Variants in TMEM45A observed in about 807,000 individuals in gnomAD.
TMEM45A encodes transmembrane protein 45A.
TMEM45A carries 25 observed loss-of-function variants against 32.0 expected under a neutral mutation model. That is an observed-to-expected ratio of 0.78 (90% CI 0.57 to 1.09). The LOEUF is 1.09. Ranked by LOEUF, TMEM45A falls within the 50% of genes least tolerant of loss-of-function variation. The probability of loss-of-function intolerance (pLI) is 0.00; values close to 1 mark genes in which losing one functional copy is unlikely to be tolerated. For missense variants in TMEM45A, 302 were observed against 325.0 expected, an observed-to-expected ratio of 0.93 and a Z score of 0.54; for synonymous variants, 122 against 114.8, an observed-to-expected ratio of 1.06 and a Z score of -0.40.
At chr3:100,540,517 A>C (rs1705848764) in intron 1 of TMEM45A, among the ~76,000 whole-genome samples, 1 of 152,214 alleles carries the variant, frequency 6.6e-6, no homozygotes, top group Non-Finnish European at 1.5e-5. Context: ...AGGAACGCTA[A>C]AATCCAAAAT....
At chr3:100,510,186 A>T (rs1708136851) in intron 1 of TMEM45A, among the ~76,000 whole-genome samples, 1 of 152,236 alleles carries the variant, frequency 6.6e-6, no homozygotes, top group African/African-American at 2.4e-5. Flanking sequence ...AAACAAAAAG[A>T]CAGCAGTAAC....
chr3:100,508,434 A>T (rs890666946), intron 1 of TMEM45A, among the ~76,000 whole-genome samples: 4 of 152,214 alleles, frequency 2.6e-5, no homozygotes, highest in African/African-American at 9.6e-5. Context: ...TACCAATGAC[A>T]TTCTTCACAG....
chr3:100,512,699 A>G lies in TMEM45A; in HGVS notation c.-4+19771A>G, dbSNP rs1368052097. ...ATGAATCCAGGAGCTGGTTTTTTGA[A>G]AGGATCAACAAAATTGATAGACCAC... On this transcript the variant is annotated intron_variant, in intron 1 of 5. Transcript: ENST00000323523. Among the ~76,000 whole-genome samples, 127 of 151,358 alleles carry G rather than the reference A, an allele frequency of 8.4e-4. No homozygotes were observed. The East Asian group carries it at 0.022, about 26-fold the overall frequency.
intron 1 of TMEM45A, among the ~76,000 whole-genome samples, chr3:100,504,536 A>G (rs1460695609): frequency 6.6e-6 from 1 of 152,158 alleles, no homozygotes; most frequent in Admixed American, 6.5e-5. Flanking sequence ...GTAGCTTCCT[A>G]TTGCATTTAA....
intron 1 of TMEM45A, among the ~76,000 whole-genome samples, chr3:100,527,140 T>C (rs2148953093): frequency 6.6e-6 from 1 of 152,322 alleles, no homozygotes; most frequent in Admixed American, 6.5e-5. Context: ...GTGTAGCAGT[T>C]AGTCAACAAG....
At chr3:100,551,387 T>C (rs1384771711) in intron 1 of TMEM45A, among the ~76,000 whole-genome samples, 1 of 152,210 alleles carries the variant, frequency 6.6e-6, no homozygotes, top group African/African-American at 2.4e-5. Flanking sequence ...TCATGTTTCC[T>C]GCCCTGGCAT....
intron 1 of TMEM45A, 106 bp downstream of exon 1, chr3:100,493,034 T>A (rs1341658562): frequency 6.6e-6 from 1 of 152,048 alleles, no homozygotes; most frequent in Non-Finnish European, 1.5e-5. Flanking sequence ...GGGAGAAAAG[T>A]AACACTTGCT....
In TMEM45A at chr3:100,525,509, A is replaced by G. The variant is rs528240335; in HGVS notation, c.-3-29700A>G. Among the ~76,000 whole-genome samples the G allele has an allele frequency of 1.9e-3, 293 of 152,366 alleles. 2 individuals carry two copies. Among genetic ancestry groups the G allele is most frequent in the African/African-American group, 6.5e-3 (272 of 41,584 alleles). On this transcript the variant is annotated intron_variant, in intron 1 of 5. Coordinates refer to ENST00000323523, the MANE Select transcript of TMEM45A (RefSeq NM_018004.3). ...TGTAAAAAACAACAAATACAAAATT[A>G]CACATTGTGATGCATACTGTGAAGA... is the stretch of plus-strand genomic sequence containing the variant.
At chr3:100,499,923 A>G (rs1707987449) in intron 1 of TMEM45A, among the ~76,000 whole-genome samples, 1 of 152,222 alleles carries the variant, frequency 6.6e-6, no homozygotes, top group Non-Finnish European at 1.5e-5. Flanking sequence ...AAGAAAGAAA[A>G]ACTATTCTTG....
intron 1 of TMEM45A, among the ~76,000 whole-genome samples, chr3:100,496,184 T>C (rs1448167988): frequency 6.6e-6 from 1 of 152,154 alleles, no homozygotes; most frequent in Non-Finnish European, 1.5e-5. Flanking sequence ...TAGAGGCCCT[T>C]TTTCTCTCAG....
Position 100,556,888 on chromosome 3 carries a change from G to A in TMEM45A, c.319G>A (p.Val107Met). 1 of 1,614,166 alleles carries A rather than the reference G, an allele frequency of 6.2e-7. No homozygotes were observed. The highest frequency in any genetic ancestry group is 2.2e-5 in the East Asian group (1 of 44,886). Residue 107 changes from valine to methionine, a missense_variant, in exon 3 of 6, where the codon GTG becomes ATG. Coordinates refer to ENST00000323523, the MANE Select transcript of TMEM45A (RefSeq NM_018004.3). The part of the protein sequence containing the change: ...TMYFFFGLLG[V>M]ADILCFTISS... ...GTATTTCTTCTTTGGGCTGTTGGGT[G>A]TGGCAGATATCTTATGTTTCACCAT... is the stretch of plus-strand genomic sequence containing the variant.
intron 1 of TMEM45A, among the ~76,000 whole-genome samples, chr3:100,551,972 C>T (rs1477387311): frequency 6.6e-6 from 1 of 152,138 alleles, no homozygotes; most frequent in East Asian, 1.9e-4. Flanking sequence ...CTGATCCTCT[C>T]AGCTTTGGGG....
intron 4 of TMEM45A, among the ~76,000 whole-genome samples, chr3:100,565,565 A>G (rs570023919): frequency 1.3e-5 from 2 of 152,310 alleles, no homozygotes; most frequent in African/African-American, 4.8e-5. Context: ...GGATAATAAT[A>G]CATTAAAATG....
At chr3:100,576,129 A>C (rs1172053203) in intron 5 of TMEM45A, among the ~76,000 whole-genome samples, 1 of 151,946 alleles carries the variant, frequency 6.6e-6, no homozygotes, top group Non-Finnish European at 1.5e-5. Context: ...CCTGACCAAC[A>C]TGGAGAAACC....
At chr3:100,567,025 G>T (rs1326955818) in intron 4 of TMEM45A, among the ~76,000 whole-genome samples, 2 of 151,846 alleles carry the variant, frequency 1.3e-5, no homozygotes, top group Non-Finnish European at 2.9e-5. Flanking sequence ...GGTTGATGGT[G>T]CTTTTGGTGT....
chr3:100,528,459 G>C (rs1705588777), intron 1 of TMEM45A, among the ~76,000 whole-genome samples: 1 of 152,166 alleles, frequency 6.6e-6, no homozygotes, highest in Non-Finnish European at 1.5e-5. Context: ...CAGAATCGAA[G>C]GTGGGGATTT....
At chr3:100,562,335 G>A (rs1390015137) in intron 4 of TMEM45A, among the ~76,000 whole-genome samples, 1 of 152,088 alleles carries the variant, frequency 6.6e-6, no homozygotes, top group Non-Finnish European at 1.5e-5. Flanking sequence ...CTTAGTTTGG[G>A]CTTTCAGCTT....
rs368867095 is a variant in TMEM45A, at chr3:100,503,022, TCTC to T, written c.-4+10106_-4+10108del. On this transcript the variant is annotated intron_variant, in intron 1 of 5. Transcript: ENST00000323523. ...TCCTCCTCCTTCTCCTCCTTCTCCA[TCTC>T]CTCCTCCTCCTTCTTCTTCTCCTTC... is the stretch of plus-strand genomic sequence containing the variant. Among the ~76,000 whole-genome samples the T allele has an allele frequency of 2.5e-3, 383 of 150,532 alleles. 2 individuals carry two copies. The highest frequency in any genetic ancestry group is 8.9e-3 in the African/African-American group (365 of 41,036).
intron 1 of TMEM45A, among the ~76,000 whole-genome samples, chr3:100,506,777 G>T (rs1050460749): frequency 1.6e-4 from 24 of 152,186 alleles, no homozygotes; most frequent in African/African-American, 5.8e-4. Context: ...GGTTGGGTGA[G>T]ATGGGACAAG....
Sources: allele counts gnomAD v4.1 joint callset (sites outside exome capture counted in the v4.1 genomes callset), GRCh38; gene constraint gnomAD v4.1.1; transcripts MANE v1.5; gene names NCBI Gene and HGNC (gene_info 2026-07-23, HGNC 2026-07-21).